ADGB: variants seen among roughly 807,000 people sequenced by gnomAD.
The protein encoded by ADGB is calpain-7-like protein.
In ADGB, 172 loss-of-function variants were observed where a neutral mutation model predicts 210.5. That is an observed-to-expected ratio of 0.82 (90% confidence interval 0.72 to 0.93). ADGB has a LOEUF of 0.93. Ranked by LOEUF, ADGB falls within the 40% of genes least tolerant of loss-of-function variation. The probability of loss-of-function intolerance (pLI) is 0.00; values close to 1 mark genes in which losing one functional copy is unlikely to be tolerated. For synonymous variants in ADGB, 658 were observed against 662.7 expected (o/e 0.99, Z 0.11); for missense variants, 2,025 against 1,964.8 (o/e 1.03, Z -0.58).
In ADGB at chr6:146,801,927, C is replaced by T; in HGVS notation, c.4734C>T (p.Thr1578=). Residue 1578 remains threonine (T), a synonymous_variant, in exon 35 of 36, where the codon ACC becomes ACT. Transcript: ENST00000397944. ...TTCATCAGTTTCGACAGCATAGGAC[C>T]AGAGTCCTTAGCATTCGAAACATTG... The part of the protein sequence containing the change: ...EEIHQFRQHR[T]RVLSIRNIDQ... 1 of 1,551,064 alleles carries T rather than the reference C, an allele frequency of 6.4e-7. No individual in the cohort carries two copies. The highest frequency in any genetic ancestry group is 8.7e-7 in the Non-Finnish European group (1 of 1,146,720).
intron 33 of ADGB, among the ~76,000 whole-genome samples, chr6:146,790,560 T>C (rs1377998226): frequency 6.6e-6 from 1 of 152,204 alleles, no homozygotes; most frequent in East Asian, 1.9e-4. Flanking sequence ...CCATTGTGTC[T>C]ACATACCACA....
chr6:146,799,519 C>G (rs1241261193), intron 33 of ADGB, among the ~76,000 whole-genome samples: 2 of 111,154 alleles, frequency 1.8e-5, no homozygotes, highest in Non-Finnish European at 3.4e-5. Flanking sequence ...AGCAACAGAG[C>G]AAGACTCTGG....
chr6:146,630,769 G>T (rs1781053605), intron 1 of ADGB, among the ~76,000 whole-genome samples: 1 of 152,138 alleles, frequency 6.6e-6, no homozygotes, highest in African/African-American at 2.4e-5. Context: ...GAGTTTAATT[G>T]TCTTTAAAGA....
intron 30 of ADGB, 72 bp downstream of exon 30, chr6:146,782,264 C>T (rs529652377): frequency 9.0e-6 from 12 of 1,337,914 alleles, no homozygotes; most frequent in Middle Eastern, 3.8e-4. Context: ...TTGCCTATCT[C>T]GTCTGAGGAC....
At chr6:146,793,549 G>A (rs1777987089) in intron 33 of ADGB, among the ~76,000 whole-genome samples, 3 of 152,040 alleles carry the variant, frequency 2.0e-5, no homozygotes, top group East Asian at 1.9e-4. Flanking sequence ...TATGAGTTGA[G>A]CTCATTTGGG....
At chr6:146,747,609 G>A (rs1354232906) in intron 26 of ADGB, among the ~76,000 whole-genome samples, 2 of 152,030 alleles carry the variant, frequency 1.3e-5, no homozygotes, top group East Asian at 3.9e-4. Context: ...GTCAGCAAAA[G>A]CTTTCTGAGA....
chr6:146,660,946 A>G (rs1348152779), intron 5 of ADGB, among the ~76,000 whole-genome samples: 1 of 151,968 alleles, frequency 6.6e-6, no homozygotes, highest in Non-Finnish European at 1.5e-5. Flanking sequence ...GTTACTTTGT[A>G]TTTATTGCAT....
rs750188808 is a variant in ADGB, at chr6:146,733,073, C to A, written c.2521-47C>A. The A allele has an allele frequency of 8.1e-6, 11 of 1,356,226 alleles. No homozygotes were observed. The Admixed American group carries it at 1.8e-4, about 23-fold the overall frequency. 84.0% of individuals were successfully genotyped at this position (1,356,226 alleles called of 1,614,324 possible). ...TAAAAATTTTTTAGAGCTTCTCTGG[C>A]CAGATGATGGTATTTTCTTGCTATA... On this transcript the variant is annotated intron_variant, in intron 20 of 35. Transcript: ENST00000397944.
chr6:146,706,863 A>G (rs879945305), intron 13 of ADGB, among the ~76,000 whole-genome samples: 1 of 54,464 alleles, frequency 1.8e-5, no homozygotes, highest in Non-Finnish European at 3.6e-5. Context: ...TTTTTTTTTT[A>G]CTTTTCTTGT....
intron 5 of ADGB, among the ~76,000 whole-genome samples, chr6:146,663,182 T>A (rs7749458): frequency 0.82 from 115,217 of 140,870 alleles, 47,655 homozygotes; most frequent in African/African-American, 0.94. Context: ...TATTATATAT[T>A]ATATATAATA....
Position 146,726,171 on chromosome 6 carries a change from C to A in ADGB, c.2326C>A (p.His776Asn). The A allele has an allele frequency of 6.5e-7, 1 of 1,548,584 alleles. No individual in the cohort carries two copies. Among genetic ancestry groups the A allele is most frequent in the East Asian group, 2.5e-5 (1 of 40,772 alleles). Residue 776 changes from histidine to asparagine, a missense_variant, in exon 19 of 36, where the codon CAC (histidine) becomes AAC (asparagine). Coordinates refer to ENST00000397944, the MANE Select transcript of ADGB (RefSeq NM_024694.4). ...SMVSFVIGDE[H>N]VVLPNFEPES... ...GGTGTCATTTGTCATTGGGGATGAA[C>A]ACGTTGTACTGCCCAACTTTGAACC... is the stretch of plus-strand genomic sequence containing the variant.
Position 146,810,586 on chromosome 6 carries a change from G to GTATA in ADGB, c.4819-4435_4819-4432dup, listed in dbSNP as rs61479265. Among the ~76,000 whole-genome samples, 740 of 149,640 alleles carry GTATA rather than the reference G, an allele frequency of 4.9e-3. 3 individuals carry two copies. The highest frequency in any genetic ancestry group is 0.014 in the African/African-American group (567 of 40,578). On this transcript the variant is annotated intron_variant, in intron 35 of 35. Coordinates refer to ENST00000397944, the MANE Select transcript of ADGB (RefSeq NM_024694.4). ...TGGATGAATGAATAAAGAAAATGTGGTATATATATATATAATGGAATATAA... is the reference window on the plus strand; with the variant it reads ...TGGATGAATGAATAAAGAAAATGTGGTATATATATATATATATAATGGAATATAA...
In ADGB at chr6:146,740,544, AC is replaced by A; in HGVS notation, c.2975del (p.Thr992MetfsTer2). 6.4e-7 allele frequency: 1 copy of A among 1,550,940 alleles called. No homozygotes were observed. Among genetic ancestry groups the A allele is most frequent in the Non-Finnish European group, 8.7e-7 (1 of 1,146,572 alleles). On this transcript the variant is annotated frameshift_variant, in exon 24 of 36. Transcript: ENST00000397944. LOFTEE classifies it high-confidence loss of function. Reference sequence around the variant, plus strand: ...AACTAAGATTGCTTTTGCAGATTATACTGTGACTTATCAAGAACAGCCACCA... The same window carrying A: ...AACTAAGATTGCTTTTGCAGATTATATGTGACTTATCAAGAACAGCCACCA... Reference protein sequence around the residue: ...EETKIAFADYTVTYQEQPPNS... With the variant: ...EETKIAFADYXVTYQEQPPNS...
intron 23 of ADGB, among the ~76,000 whole-genome samples, chr6:146,737,804 C>T (rs1038990611): frequency 6.6e-6 from 1 of 152,316 alleles, no homozygotes; most frequent in Non-Finnish European, 1.5e-5. Flanking sequence ...AGGTGTAACA[C>T]TAGCATAATA....
intron 29 of ADGB, among the ~76,000 whole-genome samples, chr6:146,771,482 T>G (rs1260881853): frequency 2.0e-5 from 3 of 152,206 alleles, no homozygotes; most frequent in Admixed American, 1.3e-4. Flanking sequence ...TGTTCTCGCT[T>G]AAAGTAACCA....
chr6:146,726,779 A>T (rs1776901376), intron 19 of ADGB, among the ~76,000 whole-genome samples: 1 of 152,120 alleles, frequency 6.6e-6, no homozygotes, highest in Non-Finnish European at 1.5e-5. Context: ...TCTTAGTTAG[A>T]TCCCATGGCA....
intron 35 of ADGB, among the ~76,000 whole-genome samples, chr6:146,809,347 G>T (rs1778265788): frequency 6.6e-6 from 1 of 152,118 alleles, no homozygotes; most frequent in South Asian, 2.1e-4. Context: ...GCTGGGATTA[G>T]TGGTGCAGCC....
At chr6:146,794,982 GTT>G (rs1049127749) in intron 33 of ADGB, among the ~76,000 whole-genome samples, 4 of 140,768 alleles carry the variant, frequency 2.8e-5, no homozygotes, top group Non-Finnish European at 6.3e-5. Context: ...GAATCAAGGA[GTT>G]TAAGAGAAAT....
intron 35 of ADGB, among the ~76,000 whole-genome samples, chr6:146,814,577 A>T (rs1242254781): frequency 1.3e-5 from 2 of 152,222 alleles, no homozygotes; most frequent in Non-Finnish European, 2.9e-5. Context: ...AGTCAAGCTG[A>T]CAAGAGCAAA....
Sources: gnomAD v4.1 joint callset for allele counts (sites outside exome capture counted in the v4.1 genomes callset) on GRCh38, gnomAD v4.1.1 for gene constraint, MANE v1.5 for transcripts, NCBI Gene and HGNC (gene_info 2026-07-23, HGNC 2026-07-21) for gene names.